URB1: variants seen among roughly 807,000 people sequenced by gnomAD.
URB1 encodes nucleolar pre-ribosomal-associated protein 1.
URB1 carries 197 observed loss-of-function variants against 242.3 expected under a neutral mutation model. The observed-to-expected ratio is 0.81, with a 90% CI of 0.72 to 0.91. The LOEUF (loss-of-function observed/expected upper bound fraction) is 0.91, where lower values mean the gene tolerates loss of function less well. URB1 is among the 40% of genes least tolerant of loss of function. URB1 has a pLI of 0.00. For synonymous variants in URB1, 1,153 were observed against 1,201.8 expected (o/e 0.96, Z 0.84); for missense variants, 2,721 against 2,860.5 (o/e 0.95, Z 1.11).
chr21:32,357,587 T>G lies in URB1; in HGVS notation c.1939A>C (p.Thr647Pro). The change falls in exon 15 of 39, where the codon ACC becomes CCC. Residue 647 changes from threonine (T) to proline (P), a missense_variant. Transcript: ENST00000382751. ...GACTTCAGTTGTAAATGGCTACTGG[T>G]CACAAACATTTTCATTAGTAAGTAA... ...VFYLLMKMFV[T>P]SSHLQLKSLT... 1 of 1,536,790 alleles carries G rather than the reference T, an allele frequency of 6.5e-7. No individual in the cohort carries two copies. Among genetic ancestry groups the G allele is most frequent in the Non-Finnish European group, 8.8e-7 (1 of 1,142,590 alleles).
At chr21:32,384,788 T>C (rs1389983559) in intron 2 of URB1, among the ~76,000 whole-genome samples, 2 of 152,036 alleles carry the variant, frequency 1.3e-5, no homozygotes, top group Admixed American at 6.6e-5. Flanking sequence ...GAAACCATCC[T>C]AGCTAACACG....
Position 32,381,742 on chromosome 21 carries a change from A to G in URB1, c.567+1680T>C, listed in dbSNP as rs527538541. On this transcript the variant is annotated intron_variant, in intron 4 of 38. Coordinates refer to ENST00000382751, the MANE Select transcript of URB1 (RefSeq NM_014825.3). The stretch of plus-strand genomic sequence containing the variant: ...AAAAGGTCTTTTTCTGTTAGAGTAC[A>G]TGCTGAAATATTTATAGTGAAATAT... Among the ~76,000 whole-genome samples the G allele has an allele frequency of 5.9e-5, 9 of 152,330 alleles. No homozygotes were observed. The East Asian group carries it at 1.5e-3, about 26-fold the overall frequency.
chr21:32,317,415 AC>A (rs1452475904), intron 37 of URB1, among the ~76,000 whole-genome samples: 2 of 152,044 alleles, frequency 1.3e-5, no homozygotes, highest in Non-Finnish European at 2.9e-5. Context: ...GCTCATAGCT[AC>A]CCCCAGCCTC....
At chr21:32,361,769 GC>G in intron 12 of URB1, 122 bp downstream of exon 12, 1 of 1,359,036 alleles carries the variant, frequency 7.4e-7, no homozygotes, top group South Asian at 1.6e-5. Context: ...CACATTCACA[GC>G]CAGAGGTGCC....
chr21:32,360,025 A>G (rs1017975723), intron 13 of URB1, 117 bp from the exon 14 acceptor site: 9 of 919,306 alleles, frequency 9.8e-6, no homozygotes, highest in East Asian at 2.7e-5. Context: ...GGGTGGATGC[A>G]GGGTTCTGTT....
chr21:32,387,562 C>T (rs1016132684), intron 1 of URB1, among the ~76,000 whole-genome samples: 2 of 149,382 alleles, frequency 1.3e-5, no homozygotes, highest in Non-Finnish European at 3.0e-5. Flanking sequence ...CTTACTGAGG[C>T]CTTCATCTCT....
rs192610758 is a variant in URB1 at position 32,352,878 on chromosome 21, T to G, written c.2445A>C (p.Ala815=). 899 of 1,550,928 alleles carry G rather than the reference T, an allele frequency of 5.8e-4. 7 individuals carry two copies. In the African/African-American group the frequency reaches 0.011, roughly 19 times the overall value. ...GGGTGTGGAGGAGGTCAGTCAGCAC[T>G]GCCGTCAGATATGTCACAACGTTTT... is the stretch of plus-strand genomic sequence containing the variant. ...AAENVVTYLT[A]VLTDLLHTQR... Residue 815 remains alanine (A), a synonymous_variant, in exon 19 of 39, where the codon GCA becomes GCC. Coordinates refer to ENST00000382751, the MANE Select transcript of URB1 (RefSeq NM_014825.3).
At chr21:32,321,007 G>A (rs1168994896) in intron 34 of URB1, among the ~76,000 whole-genome samples, 1 of 152,200 alleles carries the variant, frequency 6.6e-6, no homozygotes, top group African/African-American at 2.4e-5. Flanking sequence ...CGCCAGCCAC[G>A]AGCCATGCGG....
intron 8 of URB1, among the ~76,000 whole-genome samples, chr21:32,371,089 G>A (rs568270510): frequency 6.6e-6 from 1 of 152,200 alleles, no homozygotes; most frequent in Non-Finnish European, 1.5e-5. Context: ...TTTCAGAAAG[G>A]GCTGTCCGGG....
At chr21:32,342,700 T>TC (rs56773954) in intron 24 of URB1, among the ~76,000 whole-genome samples, 148,068 of 148,068 alleles carry the variant, frequency 1, 74,034 homozygotes, top group Non-Finnish European at 1. Flanking sequence ...CTGGTCAGGA[T>TC]CTCCTCTCGC....
At chr21:32,375,579 G>T in intron 5 of URB1, 96 bp from the exon 6 acceptor site, 1 of 657,388 alleles carries the variant, frequency 1.5e-6, no homozygotes, top group Non-Finnish European at 2.4e-6. Flanking sequence ...AGCAAACAAT[G>T]CCATTTACTT....
In URB1 at chr21:32,338,914, G is replaced by C; in HGVS notation, c.4317-14C>G. 1 of 1,521,360 alleles carries C rather than the reference G, an allele frequency of 6.6e-7. No homozygotes were observed. The highest frequency in any genetic ancestry group is 8.9e-7 in the Non-Finnish European group (1 of 1,127,538). 94.2% of individuals were successfully genotyped at this position (1,521,360 alleles called of 1,614,324 possible). ...TGGTACCGAAATCTAGGCGGCGAGA[G>C]TCAAAGGGAAAAGAGCTTTGCTAAA... On this transcript the variant is annotated splice_polypyrimidine_tract_variant and intron_variant, in intron 25 of 38. Transcript: ENST00000382751.
In URB1 at chr21:32,375,383, T is replaced by C; in HGVS notation, c.750+15A>G. 1 of 1,469,904 alleles carries C rather than the reference T, an allele frequency of 6.8e-7. No homozygotes were observed. The highest frequency in any genetic ancestry group is 1.4e-5 in the African/African-American group (1 of 69,312). 91.1% of individuals were successfully genotyped at this position (1,469,904 alleles called of 1,614,324 possible). A position where few individuals can be genotyped will look rare whatever the true frequency, so the allele number is the denominator to read the frequency against. ...GGAAAACAGACAACAGAAACGCGGA[T>C]CACCAAGCACATACCTTTGTTTTCA... On this transcript the variant is annotated intron_variant, in intron 6 of 38. Coordinates refer to ENST00000382751, the MANE Select transcript of URB1 (RefSeq NM_014825.3).
chr21:32,364,224 A>G (rs2033320757), intron 10 of URB1, among the ~76,000 whole-genome samples: 1 of 152,052 alleles, frequency 6.6e-6, no homozygotes, highest in Admixed American at 6.5e-5. Context: ...GCTACTACCA[A>G]CAGTAGGAAA....
intron 32 of URB1, among the ~76,000 whole-genome samples, chr21:32,323,290 T>C (rs1204819717): frequency 1.3e-5 from 2 of 152,014 alleles, no homozygotes; most frequent in African/African-American, 2.4e-5. Context: ...TAATAGCAAC[T>C]TGACTGTGAA....
Position 32,334,256 on chromosome 21 carries a change from C to G in URB1, c.4764G>C (p.Pro1588=). 6.4e-7 allele frequency: 1 copy of G among 1,551,530 alleles called. No homozygotes were observed. Among genetic ancestry groups the G allele is most frequent in the South Asian group, 1.2e-5 (1 of 84,048 alleles). Residue 1588 remains proline (P), a synonymous_variant, in exon 29 of 39, where the codon CCG becomes CCC. Transcript: ENST00000382751. The part of the protein sequence containing the change: ...RSLGRSLWQQ[P]SVGDILRLLD... The stretch of plus-strand genomic sequence containing the variant: ...GCAGGCGAAGGATGTCCCCGACACT[C>G]GGCTGCTGCCACAGTGACCTGCCCA...
At chr21:32,374,760 C>T (rs140558810) in intron 6 of URB1, among the ~76,000 whole-genome samples, 1 of 152,342 alleles carries the variant, frequency 6.6e-6, no homozygotes, top group African/African-American at 2.4e-5. Context: ...CCAGTTGTAC[C>T]TCCCCAGTTG....
chr21:32,379,629 ACTC>A (rs1221681916), intron 4 of URB1, among the ~76,000 whole-genome samples: 2 of 151,972 alleles, frequency 1.3e-5, no homozygotes, highest in Non-Finnish European at 2.9e-5. Flanking sequence ...GATCTCATTT[ACTC>A]CTCATAACAG....
intron 25 of URB1, among the ~76,000 whole-genome samples, chr21:32,339,182 C>T (rs553100057): frequency 1.1e-4 from 16 of 152,130 alleles, no homozygotes; most frequent in Admixed American, 9.8e-4. Flanking sequence ...TTAGTAGAGA[C>T]GTGACTTCAC....
Sources: gnomAD v4.1 joint callset for allele counts (sites outside exome capture counted in the v4.1 genomes callset) on GRCh38, gnomAD v4.1.1 for gene constraint, MANE v1.5 for transcripts, NCBI Gene and HGNC (gene_info 2026-07-23, HGNC 2026-07-21) for gene names.